The following SFMBT1 variants were observed in gnomAD, a reference collection of about 807,000 sequenced individuals.
SFMBT1 encodes the protein Scm like with four mbt domains 1.
A neutral mutation model predicts 108.7 loss-of-function variants in SFMBT1; 32 were observed. The observed-to-expected ratio is 0.29, with a 90% CI of 0.22 to 0.40. The LOEUF (loss-of-function observed/expected upper bound fraction) is 0.40, where lower values mean the gene tolerates loss of function less well. Ranked by LOEUF, SFMBT1 falls within the 10% of genes least tolerant of loss-of-function variation. The probability of loss-of-function intolerance (pLI) is 1.00; values close to 1 mark genes in which losing one functional copy is unlikely to be tolerated. For synonymous variants in SFMBT1, 348 were observed against 369.5 expected (o/e 0.94, Z 0.67); for missense variants, 816 against 1,059.6 (o/e 0.77, Z 3.19).
intron 1 of SFMBT1, among the ~76,000 whole-genome samples, chr3:53,008,591 G>A (rs1480904042): frequency 6.6e-6 from 1 of 151,136 alleles, no homozygotes; most frequent in East Asian, 1.9e-4. Flanking sequence ...CTGACTTCAA[G>A]CTCCAGTTCA....
At chr3:52,947,283 A>T (rs1291050363) in intron 3 of SFMBT1, among the ~76,000 whole-genome samples, 1 of 151,692 alleles carries the variant, frequency 6.6e-6, no homozygotes, top group African/African-American at 2.4e-5. Flanking sequence ...AAGCCCGGCT[A>T]ATTTTCTGTA....
At chr3:52,944,896 C>T (rs1010403264) in intron 3 of SFMBT1, among the ~76,000 whole-genome samples, 7 of 151,850 alleles carry the variant, frequency 4.6e-5, no homozygotes, top group Non-Finnish European at 7.4e-5. Context: ...CGGCTCACTG[C>T]AACCTCAAGT....
At chr3:52,928,050 A>T in intron 9 of SFMBT1, 141 bp downstream of exon 9, 1 of 1,028,920 alleles carries the variant, frequency 9.7e-7, no homozygotes, top group Non-Finnish European at 1.4e-6. Context: ...ACCTTTCCTT[A>T]TACTTTTCTC....
intron 1 of SFMBT1, among the ~76,000 whole-genome samples, chr3:53,010,466 T>G (rs1698903369): frequency 6.6e-6 from 1 of 152,226 alleles, no homozygotes; most frequent in Non-Finnish European, 1.5e-5. Flanking sequence ...GTAAGCCCTT[T>G]CTAGTCCAGA....
chr3:52,934,143 C>T (rs998621769), intron 5 of SFMBT1, among the ~76,000 whole-genome samples: 1 of 152,068 alleles, frequency 6.6e-6, no homozygotes, highest in Admixed American at 6.6e-5. Context: ...AAATGAGATG[C>T]CACTTCATAC....
chr3:52,949,899 T>G lies in SFMBT1; in HGVS notation c.123+4418A>C, dbSNP rs1703514058. 2.0e-5 allele frequency among the ~76,000 whole-genome samples: 3 copies of G among 152,190 alleles called. No individual in the cohort carries two copies. The South Asian group carries it at 6.2e-4, about 32-fold the overall frequency. On this transcript the variant is annotated intron_variant, in intron 3 of 20. Coordinates refer to ENST00000394752, the MANE Select transcript of SFMBT1 (RefSeq NM_016329.4). The stretch of plus-strand genomic sequence containing the variant: ...TCCTTGCTTTGAAGTCAGCTCTGTC[T>G]GACATTAATACAGCTAGGTCTTTTT...
chr3:52,956,475 A>G (rs1184159613), intron 2 of SFMBT1, among the ~76,000 whole-genome samples: 2 of 151,898 alleles, frequency 1.3e-5, no homozygotes, highest in Non-Finnish European at 2.9e-5. Context: ...AAATAAATAC[A>G]ATAGGCTGGG....
chr3:52,977,268 T>C (rs892844793), intron 1 of SFMBT1, among the ~76,000 whole-genome samples: 1 of 152,104 alleles, frequency 6.6e-6, no homozygotes, highest in Admixed American at 6.5e-5. Flanking sequence ...CCCAGCACTT[T>C]GGGAGGCTGA....
chr3:53,005,881 C>T (rs1248985728), intron 1 of SFMBT1, among the ~76,000 whole-genome samples: 1 of 152,124 alleles, frequency 6.6e-6, no homozygotes, highest in Non-Finnish European at 1.5e-5. Flanking sequence ...GGGGCAGTAG[C>T]AATTCCAGAC....
intron 1 of SFMBT1, among the ~76,000 whole-genome samples, chr3:53,000,925 A>C (rs995958266): frequency 6.7e-6 from 1 of 150,364 alleles, no homozygotes; most frequent in African/African-American, 2.4e-5. Context: ...AAAATGAAAA[A>C]AAATATATGA....
chr3:52,962,936 T>C (rs1269570790), intron 2 of SFMBT1, among the ~76,000 whole-genome samples: 43 of 151,988 alleles, frequency 2.8e-4, no homozygotes, highest in South Asian at 2.1e-4. Context: ...AAACTGGCTA[T>C]ATATATGGAA....
intron 1 of SFMBT1, among the ~76,000 whole-genome samples, chr3:53,036,852 T>C (rs1575454422): frequency 6.6e-6 from 1 of 152,052 alleles, no homozygotes; most frequent in Admixed American, 6.6e-5. Context: ...AGGCTGCAGG[T>C]GGCTTACGGG....
At position 52,932,318 on chromosome 3, in the gene SFMBT1, T is replaced by A; in HGVS notation, c.454-10A>T. Reference sequence around the variant, plus strand: ...TCCTCCCATTACGGAGCTGTAGGATTAAAAAGTAAAACAACCCAGTAAGAG... The same window carrying A: ...TCCTCCCATTACGGAGCTGTAGGATAAAAAAGTAAAACAACCCAGTAAGAG... On this transcript the variant is annotated splice_polypyrimidine_tract_variant and intron_variant, in intron 5 of 20. Coordinates refer to ENST00000394752, the MANE Select transcript of SFMBT1 (RefSeq NM_016329.4). 6.2e-7 allele frequency: 1 copy of A among 1,604,038 alleles called. No homozygotes were observed. The highest frequency in any genetic ancestry group is 1.1e-5 in the South Asian group (1 of 88,806).
At position 52,954,308 on chromosome 3, in the gene SFMBT1, A is replaced by G; in HGVS notation, c.123+9T>C. 1.3e-6 allele frequency: 2 copies of G among 1,591,090 alleles called. No homozygotes were observed. The highest frequency in any genetic ancestry group is 2.2e-5 in the South Asian group (2 of 89,434). ...TAACACCAGTAAGGCAAATATAGTT[A>G]TTGCTTACATGTTTAAAAGACCCAT... On this transcript the variant is annotated intron_variant, in intron 3 of 20. Coordinates refer to ENST00000394752, the MANE Select transcript of SFMBT1 (RefSeq NM_016329.4).
At chr3:52,920,429 C>A in intron 12 of SFMBT1, 108 bp downstream of exon 12, 1 of 775,008 alleles carries the variant, frequency 1.3e-6, no homozygotes, top group East Asian at 2.7e-5. Context: ...AACAGAGAAC[C>A]AGAATGTCAT....
chr3:53,019,514 A>T (rs1699233863), intron 1 of SFMBT1, among the ~76,000 whole-genome samples: 1 of 151,920 alleles, frequency 6.6e-6, no homozygotes, highest in Non-Finnish European at 1.5e-5. Flanking sequence ...TTCCTTCTCA[A>T]CCCAACTCTC....
rs192121139 is a variant in SFMBT1 at position 52,947,955 on chromosome 3, G to A, written c.124-4362C>T. Among the ~76,000 whole-genome samples the A allele has an allele frequency of 1.6e-3, 239 of 151,958 alleles. 1 individual carries two copies. The highest frequency in any genetic ancestry group is 5.5e-3 in the African/African-American group (227 of 41,448). On this transcript the variant is annotated intron_variant, in intron 3 of 20. Transcript: ENST00000394752. ...TCACCATGTTGTCTAGGCTGCTCTC[G>A]AACTCCTGACCTCAAGCAATCCGCC...
rs1306397519 is a variant in SFMBT1, at chr3:52,934,873, A to T, written c.393T>A (p.Asp131Glu). ...CTATCAGGGTCTGCCGCAGAAACTC[A>T]TCCCAGTCAGATACTTTATCTCTGA... ...EGIRDKVSDW[D>E]EFLRQTLIGA... Residue 131 changes from aspartate (D) to glutamate (E), a missense_variant, in exon 5 of 21, where the codon GAT becomes GAA. Coordinates refer to ENST00000394752, the MANE Select transcript of SFMBT1 (RefSeq NM_016329.4). 1 of 1,613,562 alleles carries T rather than the reference A, an allele frequency of 6.2e-7. No individual in the cohort carries two copies. Among genetic ancestry groups the T allele is most frequent in the East Asian group, 2.2e-5 (1 of 44,858 alleles).
intron 1 of SFMBT1, among the ~76,000 whole-genome samples, chr3:52,996,592 ATAAT>A (rs938571945): frequency 2.0e-5 from 3 of 150,314 alleles, no homozygotes; most frequent in Admixed American, 1.3e-4. Flanking sequence ...ACATGAAAAG[ATAAT>A]TAGTCACTAG....
Sources: allele counts gnomAD v4.1 joint callset (sites outside exome capture counted in the v4.1 genomes callset), GRCh38; gene constraint gnomAD v4.1.1; transcripts MANE v1.5; gene names NCBI Gene and HGNC (gene_info 2026-07-23, HGNC 2026-07-21).